The following GRTP1 variants were observed in gnomAD, a reference collection of about 807,000 sequenced individuals.
The protein encoded by GRTP1 is growth hormone-regulated TBC protein 1.
GRTP1 carries 56 observed loss-of-function variants against 38.1 expected under a neutral mutation model. The observed-to-expected ratio is 1.47, with a 90% CI of 1.19 to 1.84. The LOEUF (loss-of-function observed/expected upper bound fraction) is 1.84. Ranked by LOEUF, GRTP1 falls within the 40% of genes most tolerant of loss-of-function variation. GRTP1 has a pLI of 0.00. For missense variants in GRTP1, 506 were observed against 453.9 expected (o/e 1.11, Z -1.04); for synonymous variants, 217 against 189.5 (o/e 1.14, Z -1.19).
chr13:113,351,442 C>T (rs998638765), intron 3 of GRTP1, among the ~76,000 whole-genome samples: 2 of 152,180 alleles, frequency 1.3e-5, no homozygotes, highest in African/African-American at 4.8e-5. Context: ...AATTGAGACT[C>T]CTCAGAGATA....
Position 113,343,637 on chromosome 13 carries a change from C to T in GRTP1, c.562+1226G>A, listed in dbSNP as rs2043057060. 6.6e-6 allele frequency among the ~76,000 whole-genome samples: 1 copy of T among 152,228 alleles called. No homozygotes were observed. The highest frequency in any genetic ancestry group is 1.5e-5 in the Non-Finnish European group (1 of 68,036). On this transcript the variant is annotated intron_variant, in intron 5 of 7. Transcript: ENST00000375431. This position sits in a 1 kb window ranked among gnomAD's most constrained non-coding sequence, Gnocchi z 4.8. ...AAATTCTCCCGGCCTTCGGTGTCCTCACCCTGGAAATGGGGTGGGTGACTG... is the reference window on the plus strand; with the variant it reads ...AAATTCTCCCGGCCTTCGGTGTCCTTACCCTGGAAATGGGGTGGGTGACTG...
intron 5 of GRTP1, among the ~76,000 whole-genome samples, chr13:113,337,125 C>T (rs762114172): frequency 2.0e-5 from 3 of 151,494 alleles, no homozygotes; most frequent in Non-Finnish European, 2.9e-5. Context: ...AAGACCCTGT[C>T]TGTACTCAAA....
chr13:113,326,915 C>T (rs2042783342), intron 5 of GRTP1, among the ~76,000 whole-genome samples: 1 of 152,164 alleles, frequency 6.6e-6, no homozygotes, highest in South Asian at 2.1e-4. Context: ...CGAGTTCAGT[C>T]TGGGAAGATG....
At chr13:113,346,321 CCCGGGAGGACCTCTGTGGCCGAG>C (rs2043132386) in intron 4 of GRTP1, among the ~76,000 whole-genome samples, 1 of 40,322 alleles carries the variant, frequency 2.5e-5, no homozygotes, top group Non-Finnish European at 4.4e-5. Context: ...AGAGAGCAGA[CCCGGGAGGACCTCTGTGGCCGAG>C]AGCGGACCCA....
chr13:113,345,660 G>A (rs972252215), intron 4 of GRTP1, among the ~76,000 whole-genome samples: 8 of 152,226 alleles, frequency 5.3e-5, no homozygotes, highest in South Asian at 2.1e-4. Context: ...ATCAATTCAC[G>A]TGATCGGAAG....
intron 5 of GRTP1, among the ~76,000 whole-genome samples, chr13:113,344,175 A>G (rs1159043689): frequency 1.3e-5 from 2 of 152,234 alleles, no homozygotes; most frequent in Non-Finnish European, 2.9e-5. Flanking sequence ...ATACATACAT[A>G]AAACCAAGAT....
At chr13:113,352,488 C>T (rs955958977) in intron 3 of GRTP1, among the ~76,000 whole-genome samples, 1 of 150,854 alleles carries the variant, frequency 6.6e-6, no homozygotes, top group East Asian at 1.9e-4. Flanking sequence ...ATCCTCCCAC[C>T]TCAGCTTCCT....
chr13:113,330,365 A>T (rs1431256171), intron 5 of GRTP1, among the ~76,000 whole-genome samples: 671 of 38,636 alleles, frequency 0.017, no homozygotes, highest in Middle Eastern at 0.021. Context: ...GGTGTGTGGA[A>T]GGAAACCCAG....
rs925085933 is a variant in GRTP1 at position 113,334,077 on chromosome 13, T to C, written c.563-7986A>G. On this transcript the variant is annotated intron_variant, in intron 5 of 7. Transcript: ENST00000375431. ...CCCGAACTCCTGACCCCAGGTGATC[T>C]GCCCACCTCAGCCTCCCAAAGTGCT... Among the ~76,000 whole-genome samples, 5 of 152,270 alleles carry C rather than the reference T, an allele frequency of 3.3e-5. No homozygotes were observed. The South Asian group carries it at 6.2e-4, about 19-fold the overall frequency.
At chr13:113,355,692 G>T (rs1296727609) in intron 2 of GRTP1, 6 of 482,522 alleles carry the variant, frequency 1.2e-5, no homozygotes, top group Non-Finnish European at 2.1e-5. Context: ...AAACCAGACT[G>T]GCTACAGAAC....
Sources: allele counts gnomAD v4.1 joint callset (sites outside exome capture counted in the v4.1 genomes callset), GRCh38; gene constraint gnomAD v4.1.1; non-coding constraint Gnocchi (gnomAD v3.1); transcripts MANE v1.5; gene names NCBI Gene and HGNC (gene_info 2026-07-23, HGNC 2026-07-21).